DNAI3: variants seen among roughly 807,000 people sequenced by gnomAD.
DNAI3 encodes dynein axonemal intermediate chain 3.
Under a neutral mutation model 115.5 loss-of-function variants are expected in DNAI3, and 83 were observed. The ratio of observed to expected loss-of-function variants is 0.72; its 90% CI spans 0.60 to 0.86. DNAI3 has a LOEUF of 0.86. Ranked by LOEUF, DNAI3 falls within the 40% of genes least tolerant of loss-of-function variation. The pLI is 0.00. For synonymous variants in DNAI3, 320 were observed against 347.0 expected (o/e 0.92, Z 0.86); for missense variants, 1,004 against 1,075.8 (o/e 0.93, Z 0.93).
Position 85,110,091 on chromosome 1 carries a change from C to A in DNAI3, c.1742C>A (p.Thr581Asn), listed in dbSNP as rs1056616254. 20 of 1,612,950 alleles carry A rather than the reference C, an allele frequency of 1.2e-5. No individual in the cohort carries two copies. Among genetic ancestry groups the A allele is most frequent in the Non-Finnish European group, 1.6e-5 (19 of 1,179,602 alleles). ...GAAACAAGTTTAGACCACTGTCCAA[C>A]CAAGATAAGCCTGAATGAAGACCAT... Reference protein sequence around the residue: ...KGETSLDHCPTKISLNEDHLL... With the variant: ...KGETSLDHCPNKISLNEDHLL... The change falls in exon 16 of 23, where the codon ACC (threonine) becomes AAC (asparagine). Residue 581 changes from threonine to asparagine, a missense_variant. Thr to Asn is a moderately conservative substitution (Grantham distance 65). This residue lies in a region of DNAI3 where 429 missense variants were observed against 454.3 expected (regional missense o/e 0.94). Coordinates refer to ENST00000294664, the MANE Select transcript of DNAI3 (RefSeq NM_145172.5).
intron 2 of DNAI3, among the ~76,000 whole-genome samples, 192 bp downstream of exon 2, chr1:85,072,197 G>T (rs1028783734): frequency 6.6e-6 from 1 of 152,194 alleles, no homozygotes; most frequent in African/African-American, 2.4e-5. Context: ...CCAATTAGAT[G>T]CGATATAATG....
At chr1:85,083,960 T>A (rs1198896623) in intron 5 of DNAI3, among the ~76,000 whole-genome samples, 1 of 151,660 alleles carries the variant, frequency 6.6e-6, no homozygotes, top group East Asian at 1.9e-4. Context: ...CAACTTCATT[T>A]TTCACCAAAT....
intron 3 of DNAI3, among the ~76,000 whole-genome samples, chr1:85,077,238 G>T (rs1654484324): frequency 6.6e-6 from 1 of 152,120 alleles, no homozygotes; most frequent in Non-Finnish European, 1.5e-5. Context: ...AATGATGCTG[G>T]AACAGTTAGA....
intron 2 of DNAI3, among the ~76,000 whole-genome samples, chr1:85,072,656 A>G (rs560833573): frequency 1.0e-3 from 95 of 93,218 alleles, no homozygotes; most frequent in African/African-American, 3.4e-3. Flanking sequence ...AAAAAAAAAG[A>G]AAAATAAAAA....
Position 85,082,379 on chromosome 1 carries a change from A to C in DNAI3, c.365A>C (p.Glu122Ala). 8 of 1,613,456 alleles carry C rather than the reference A, an allele frequency of 5.0e-6. No homozygotes were observed. Among genetic ancestry groups the C allele is most frequent in the Non-Finnish European group, 6.8e-6 (8 of 1,179,494 alleles). The change falls in exon 5 of 23, where the codon GAA becomes GCA. Residue 122 changes from glutamate to alanine, a missense_variant. Glu to Ala is a moderately radical substitution (Grantham distance 107, BLOSUM62 -1). This residue lies in a region of DNAI3 where 550 missense variants were observed against 568.1 expected (regional missense o/e 0.97). Coordinates refer to ENST00000294664, the MANE Select transcript of DNAI3 (RefSeq NM_145172.5). Reference sequence around the variant, plus strand: ...CTTAACTTTTATCTTATTGCAACTGAAGAGGGCAAAGAAAACTATTTAAAT... The same window carrying C: ...CTTAACTTTTATCTTATTGCAACTGCAGAGGGCAAAGAAAACTATTTAAAT... Reference protein sequence around the residue: ...YGLNFYLIATEEGKENYLNPP... With the variant: ...YGLNFYLIATAEGKENYLNPP...
At chr1:85,075,855 T>C (rs1368857705) in intron 3 of DNAI3, among the ~76,000 whole-genome samples, 1 of 152,200 alleles carries the variant, frequency 6.6e-6, no homozygotes, top group African/African-American at 2.4e-5. Flanking sequence ...TCCCGAATGT[T>C]AAATAATTTA....
chr1:85,079,455 A>G (rs1654561797), intron 3 of DNAI3, among the ~76,000 whole-genome samples: 1 of 152,174 alleles, frequency 6.6e-6, no homozygotes, highest in Admixed American at 6.5e-5. Flanking sequence ...TTCTATTGGA[A>G]AATAAGCTCA....
chr1:85,082,469 A>T, intron 5 of DNAI3, 65 bp downstream of exon 5: 1 of 1,299,146 alleles, frequency 7.7e-7, no homozygotes, highest in Non-Finnish European at 1.1e-6. Context: ...TTTTTGAGAT[A>T]GGCTCTTGCT....
Position 85,081,391 on chromosome 1 carries a change from C to T in DNAI3, c.261C>T (p.Phe87=), listed in dbSNP as rs1557709504. Residue 87 remains phenylalanine (F), a synonymous_variant, in exon 4 of 23, where the codon TTC becomes TTT. Transcript: ENST00000294664. The stretch of plus-strand genomic sequence containing the variant: ...GCAACAGAGCTGCAGTATCTGATTT[C>T]CACCCAGTCAAAAAAATTGTCCAGG... The part of the protein sequence containing the change: ...DLRNRAAVSD[F]HPVKKIVQEY... The T allele has an allele frequency of 6.3e-7, 1 of 1,577,000 alleles. No individual in the cohort carries two copies. Among genetic ancestry groups the T allele is most frequent in the Non-Finnish European group, 8.6e-7 (1 of 1,169,110 alleles).
chr1:85,097,722 T>G, intron 12 of DNAI3, 67 bp downstream of exon 12: 1 of 1,374,210 alleles, frequency 7.3e-7, no homozygotes, highest in Non-Finnish European at 9.9e-7. Flanking sequence ...AAGTACATAA[T>G]ATAGTTGCCA....
intron 14 of DNAI3, among the ~76,000 whole-genome samples, chr1:85,107,171 A>G (rs1482602887): frequency 7.2e-5 from 11 of 152,198 alleles, no homozygotes; most frequent in Admixed American, 2.6e-4. Context: ...GCTTTGGAAA[A>G]CAATCTGGCA....
intron 2 of DNAI3, among the ~76,000 whole-genome samples, chr1:85,072,661 T>G (rs866719206): frequency 7.8e-5 from 10 of 128,844 alleles, no homozygotes; most frequent in South Asian, 4.8e-4. Flanking sequence ...AAAAGAAAAA[T>G]AAAAAAAAGA....
chr1:85,130,276 C>T, intron 22 of DNAI3, 164 bp downstream of exon 22: 2 of 994,878 alleles, frequency 2.0e-6, no homozygotes, highest in South Asian at 3.6e-5. Flanking sequence ...TAGCTCACTG[C>T]CAGTTAGACA....
At chr1:85,111,766 T>A (rs1304897323) in intron 16 of DNAI3, among the ~76,000 whole-genome samples, 4 of 152,222 alleles carry the variant, frequency 2.6e-5, no homozygotes, top group Non-Finnish European at 5.9e-5. Context: ...GAGGGGTTTT[T>A]ATTCATTTTT....
rs1417911411 is a variant in DNAI3, at chr1:85,121,817, A to T, written c.1981+3A>T. The T allele has an allele frequency of 6.2e-7, 1 of 1,613,890 alleles. No individual in the cohort carries two copies. The highest frequency in any genetic ancestry group is 1.3e-5 in the African/African-American group (1 of 74,934). On this transcript the variant is annotated splice_donor_region_variant and intron_variant, in intron 18 of 22. Transcript: ENST00000294664. Reference sequence around the variant, plus strand: ...CCCTGAAACTGGCCGACTTATGTGTAAGTTTTGTGATTGCCCTGTTATTAA... The same window carrying T: ...CCCTGAAACTGGCCGACTTATGTGTTAGTTTTGTGATTGCCCTGTTATTAA...
chr1:85,097,677 A>G (rs1655164760), intron 12 of DNAI3, 22 bp downstream of exon 12: 6 of 1,594,346 alleles, frequency 3.8e-6, no homozygotes, highest in Non-Finnish European at 4.3e-6. Flanking sequence ...ACAACATTTC[A>G]CTTGCAAGTT....
Position 85,132,948 on chromosome 1 carries a change from C to T in DNAI3, c.2626C>T (p.Leu876Phe). 3 of 1,613,872 alleles carry T rather than the reference C, an allele frequency of 1.9e-6. No individual in the cohort carries two copies. Among genetic ancestry groups the T allele is most frequent in the Non-Finnish European group, 1.7e-6 (2 of 1,179,912 alleles). The change falls in exon 23 of 23, where the codon CTT becomes TTT. Residue 876 changes from leucine (L) to phenylalanine (F), a missense_variant. By Grantham distance (22) the Leu-to-Phe change is conservative (BLOSUM62 0). Transcript: ENST00000294664. ...ACTGGAAAAGACTGTTCTTATCAAC[C>T]TTGGCCTAATCAAAGTCACAGAGAA... ...LELEKTVLIN[L>F]GLIKVTEKGS... is the part of the protein sequence containing the mutation.
At position 85,125,535 on chromosome 1, in the gene DNAI3, ATT is replaced by A. The variant is rs5775824; in HGVS notation, c.2113-963_2113-962del. Among the ~76,000 whole-genome samples, 1,030 of 147,410 alleles carry A rather than the reference ATT, an allele frequency of 7.0e-3. 14 individuals carry two copies. The highest frequency in any genetic ancestry group is 0.024 in the African/African-American group (949 of 40,310). Reference sequence around the variant, plus strand: ...ATGCCAATGTACTTCTGTATGTTTGATTTTTTTTTTTTTTACAATTAGCAAGT... The same window carrying A: ...ATGCCAATGTACTTCTGTATGTTTGATTTTTTTTTTTTACAATTAGCAAGT... On this transcript the variant is annotated intron_variant, in intron 19 of 22. Coordinates refer to ENST00000294664, the MANE Select transcript of DNAI3 (RefSeq NM_145172.5).
Position 85,112,243 on chromosome 1 carries a change from T to C in DNAI3, c.1786+2108T>C, listed in dbSNP as rs529094594. On this transcript the variant is annotated intron_variant, in intron 16 of 22. Coordinates refer to ENST00000294664, the MANE Select transcript of DNAI3 (RefSeq NM_145172.5). ...TCTGGCTTCTTTTAATCAGCATGAT[T>C]ATTTTAGAATTAATTCATGTTGTCT... is the stretch of plus-strand genomic sequence containing the variant. Among the ~76,000 whole-genome samples the C allele has an allele frequency of 3.4e-4, 52 of 152,282 alleles. 1 individual carries two copies. The Middle Eastern group carries it at 0.01, about 30-fold the overall frequency.
Sources: allele counts gnomAD v4.1 joint callset (sites outside exome capture counted in the v4.1 genomes callset), GRCh38; gene constraint gnomAD v4.1.1; regional missense constraint gnomAD v4.1.1; transcripts MANE v1.5; gene names NCBI Gene and HGNC (gene_info 2026-07-23, HGNC 2026-07-21).